SST: variants seen among roughly 807,000 people sequenced by gnomAD.
SST encodes the protein growth hormone release-inhibiting factor.
Under a neutral mutation model 10.4 loss-of-function variants are expected in SST, and 7 were observed. That is an observed-to-expected ratio of 0.67 (90% CI 0.38 to 1.26). SST has a LOEUF of 1.26. Among genes scored for constraint, SST ranks in the 50% most tolerant of loss-of-function variants. The probability of loss-of-function intolerance (pLI) is 0.02; values close to 1 mark genes in which losing one functional copy is unlikely to be tolerated. For synonymous variants in SST, 63 were observed against 63.9 expected (o/e 0.99, Z 0.07); for missense variants, 145 against 140.8 (o/e 1.03, Z -0.15).
chr3:187,669,053 T>C lies in SST; in HGVS notation c.*12A>G. The C allele has an allele frequency of 1.2e-6, 2 of 1,613,764 alleles. No homozygotes were observed. The highest frequency in any genetic ancestry group is 1.7e-6 in the Non-Finnish European group (2 of 1,179,854). The stretch of plus-strand genomic sequence containing the variant: ...ATCAGAGGTCTGATATGGACAATAC[T>C]AGTTAAGAAAGCTAACAGGATGTGA... On this transcript the variant is annotated 3_prime_UTR_variant, in exon 2 of 2. Transcript: ENST00000287641.
intron 1 of SST, among the ~76,000 whole-genome samples, 197 bp downstream of exon 1, chr3:187,669,957 A>G (rs1386561317): frequency 2.6e-5 from 4 of 152,174 alleles, no homozygotes; most frequent in African/African-American, 9.7e-5. Context: ...GACTGCGCTT[A>G]TCATGGGGGA....
chr3:187,670,165 C>G lies in SST; in HGVS notation c.127G>C (p.Ala43Pro). ...QFLQKSLAAA[A>P]GKQELAKYFL... is the part of the protein sequence containing the mutation. The stretch of plus-strand genomic sequence containing the variant: ...GGGAGTCTCCTTACCTGCTTCCCCG[C>G]GGCAGCAGCCAGGGACTTCTGCAGA... The change falls in exon 1 of 2, where the codon GCG becomes CCG. Residue 43 changes from alanine (A) to proline (P), a missense_variant. Coordinates refer to ENST00000287641, the MANE Select transcript of SST (RefSeq NM_001048.4). 6.3e-7 allele frequency: 1 copy of G among 1,589,074 alleles called. No individual in the cohort carries two copies. The highest frequency in any genetic ancestry group is 8.6e-7 in the Non-Finnish European group (1 of 1,167,924).
At position 187,669,121 on chromosome 3, in the gene SST, G is replaced by T; in HGVS notation, c.295C>A (p.Arg99=). 1 of 1,613,786 alleles carries T rather than the reference G, an allele frequency of 6.2e-7. No homozygotes were observed. ...TTCTTGCAGCCAGCTTTGCGTTCTCGGGGTGCCATAGCCGGGTTTGAGTTA... is the reference window on the plus strand; with the variant it reads ...TTCTTGCAGCCAGCTTTGCGTTCTCTGGGTGCCATAGCCGGGTTTGAGTTA... ...SANSNPAMAP[R]ERKAGCKNFF... The change falls in exon 2 of 2, where the codon CGA becomes AGA. Residue 99 remains arginine, a synonymous_variant. Coordinates refer to ENST00000287641, the MANE Select transcript of SST (RefSeq NM_001048.4).
Position 187,669,086 on chromosome 3 carries a change from C to A in SST, c.330G>T (p.Trp110Cys). The A allele has an allele frequency of 6.2e-7, 1 of 1,613,868 alleles. No individual in the cohort carries two copies. Among genetic ancestry groups the A allele is most frequent in the Non-Finnish European group, 8.5e-7 (1 of 1,179,992 alleles). The change falls in exon 2 of 2, where the codon TGG (tryptophan) becomes TGT (cysteine). Residue 110 changes from tryptophan to cysteine, a missense_variant. Trp to Cys is a radical substitution (Grantham distance 215). Coordinates refer to ENST00000287641, the MANE Select transcript of SST (RefSeq NM_001048.4). The stretch of plus-strand genomic sequence containing the variant: ...AAAGCTAACAGGATGTGAAAGTCTT[C>A]CAGAAGAAATTCTTGCAGCCAGCTT... The part of the protein sequence containing the change: ...ERKAGCKNFF[W>C]KTFTSC
At chr3:187,670,061 G>C (rs2108532943) in intron 1 of SST, 93 bp downstream of exon 1, 2 of 1,379,586 alleles carry the variant, frequency 1.4e-6, no homozygotes, top group South Asian at 2.9e-5. Flanking sequence ...CTCTTTAGAA[G>C]GACTGAGCAT....
At position 187,669,286 on chromosome 3, in the gene SST, G is replaced by C. The variant is rs191229652; in HGVS notation, c.139-9C>G. On this transcript the variant is annotated splice_polypyrimidine_tract_variant and intron_variant, in intron 1 of 1. Coordinates refer to ENST00000287641, the MANE Select transcript of SST (RefSeq NM_001048.4). ...AAGTACTTGGCCAGTTCCTGTATAG[G>C]GCAGAAGGGATAGAAAAAGAGAGAA... The C allele has an allele frequency of 1.9e-6, 3 of 1,612,040 alleles. No individual in the cohort carries two copies. In the African/African-American group the frequency reaches 4.0e-5, roughly 22 times the overall value.
In SST at chr3:187,669,173, T is replaced by G; in HGVS notation, c.243A>C (p.Glu81Asp). 1 of 1,613,988 alleles carries G rather than the reference T, an allele frequency of 6.2e-7. No individual in the cohort carries two copies. The highest frequency in any genetic ancestry group is 1.3e-5 in the African/African-American group (1 of 74,998). The change falls in exon 2 of 2, where the codon GAA (glutamate) becomes GAC (aspartate). Residue 81 changes from glutamate (E) to aspartate (D), a missense_variant. Transcript: ENST00000287641. ...CAGATCTCTGCAGCTCAAGCCTCAT[T>G]TCATCCTGCTCAGCAGCCTGGGACA... ...EDLSQAAEQD[E>D]MRLELQRSAN...
At chr3:187,669,535 CACACACACACACACACACGCACAA>C (rs1269725949) in intron 1 of SST, among the ~76,000 whole-genome samples, 2 of 138,950 alleles carry the variant, frequency 1.4e-5, no homozygotes, top group Non-Finnish European at 3.1e-5. Context: ...ACTTAACACA[CACACACACACACACACACGCACAA>C]ACACACACAC....
intron 1 of SST, among the ~76,000 whole-genome samples, chr3:187,669,587 TAA>T (rs971965854): frequency 1.4e-5 from 2 of 138,556 alleles, no homozygotes; most frequent in Non-Finnish European, 3.1e-5. Context: ...CACACACACA[TAA>T]AGACCGTTCT....
chr3:187,669,567 C>A (rs985700622), intron 1 of SST, among the ~76,000 whole-genome samples: 2,221 of 150,630 alleles, frequency 0.015, 45 homozygotes, highest in African/African-American at 0.052. Flanking sequence ...CAAACACACA[C>A]ACACACACAC....
Position 187,670,302 on chromosome 3 carries a change from C to A in SST, c.-11G>T. 2 of 1,572,192 alleles carry A rather than the reference C, an allele frequency of 1.3e-6. No individual in the cohort carries two copies. Among genetic ancestry groups the A allele is most frequent in the Non-Finnish European group, 1.7e-6 (2 of 1,158,420 alleles). ...GCGGCAGGACAGCATCTCGGCGCCG[C>A]GAAAGCCGAGCTGGAGAGTGGCTGG... On this transcript the variant is annotated 5_prime_UTR_variant, in exon 1 of 2. Transcript: ENST00000287641.
chr3:187,669,249 A>T lies in SST; in HGVS notation c.167T>A (p.Leu56Gln), dbSNP rs1717179913. The change falls in exon 2 of 2, where the codon CTG becomes CAG. Residue 56 changes from leucine to glutamine, a missense_variant. Physicochemically the swap from Leu to Gln is moderately radical, Grantham distance 113 (BLOSUM62 -2). Transcript: ENST00000287641. ...QELAKYFLAELLSEPNQTEND... is the reference protein window; with the variant it reads ...QELAKYFLAEQLSEPNQTEND... ...CTCCGTCTGGTTGGGTTCAGACAGC[A>T]GCTCTGCCAAGAAGTACTTGGCCAG... 1 of 1,613,884 alleles carries T rather than the reference A, an allele frequency of 6.2e-7. No individual in the cohort carries two copies. Among genetic ancestry groups the T allele is most frequent in the Non-Finnish European group, 8.5e-7 (1 of 1,180,028 alleles).
rs1459394551 is a variant in SST at position 187,670,229 on chromosome 3, A to G, written c.63T>C (p.Cys21=). 2 of 1,596,166 alleles carry G rather than the reference A, an allele frequency of 1.3e-6. No individual in the cohort carries two copies. The highest frequency in any genetic ancestry group is 1.7e-6 in the Non-Finnish European group (2 of 1,171,660). The change falls in exon 1 of 2, where the codon TGT becomes TGC. Residue 21 remains cysteine, a synonymous_variant. Coordinates refer to ENST00000287641, the MANE Select transcript of SST (RefSeq NM_001048.4). ...AALSIVLALG[C]VTGAPSDPRL... ...TGGGGTCCGAGGGAGCGCCGGTGACACAGCCCAGGGCCAGGACGATGGACA... is the reference window on the plus strand; with the variant it reads ...TGGGGTCCGAGGGAGCGCCGGTGACGCAGCCCAGGGCCAGGACGATGGACA...
At chr3:187,669,517 C>A (rs1337479693) in intron 1 of SST, among the ~76,000 whole-genome samples, 1 of 150,054 alleles carries the variant, frequency 6.7e-6, no homozygotes, top group Non-Finnish European at 1.5e-5. Flanking sequence ...ACCTTTCTGT[C>A]CCTGTAGACT....
intron 1 of SST, 97 bp downstream of exon 1, chr3:187,670,057 A>G: frequency 7.4e-7 from 1 of 1,347,642 alleles, no homozygotes; most frequent in Middle Eastern, 1.9e-4. Flanking sequence ...AAAACTCTTT[A>G]GAAGGACTGA....
intron 1 of SST, 26 bp from the exon 2 acceptor site, chr3:187,669,303 AAGAG>A (rs755412703): frequency 6.2e-7 from 1 of 1,605,742 alleles, no homozygotes. Context: ...GGGATAGAAA[AAGAG>A]AGAAAGAGAA....
intron 1 of SST, 22 bp from the exon 2 acceptor site, chr3:187,669,299 G>A (rs758551922): frequency 1.2e-6 from 2 of 1,605,838 alleles, no homozygotes; most frequent in Non-Finnish European, 1.7e-6. Flanking sequence ...AGAAGGGATA[G>A]AAAAAGAGAG....
chr3:187,670,015 G>T lies in SST; in HGVS notation c.138+139C>A, dbSNP rs1053444109. On this transcript the variant is annotated intron_variant, in intron 1 of 1. Coordinates refer to ENST00000287641, the MANE Select transcript of SST (RefSeq NM_001048.4). The stretch of plus-strand genomic sequence containing the variant: ...CTAGCCTTTGATAGTTTTCTCAAGA[G>T]CTTCGGGAGCTGAGGGACCCAGAAA... 4 of 892,968 alleles carry T rather than the reference G, an allele frequency of 4.5e-6. No individual in the cohort carries two copies. In the South Asian group the frequency reaches 6.9e-5, roughly 15 times the overall value. 55.3% of individuals were successfully genotyped at this position (892,968 alleles called of 1,614,324 possible).
chr3:187,669,642 A>T (rs951734416), intron 1 of SST, among the ~76,000 whole-genome samples: 1 of 152,104 alleles, frequency 6.6e-6, no homozygotes, highest in Admixed American at 6.5e-5. Flanking sequence ...CAATTTTCAC[A>T]TCACGAGCTA....
Sources: gnomAD v4.1 joint callset for allele counts (sites outside exome capture counted in the v4.1 genomes callset) on GRCh38, gnomAD v4.1.1 for gene constraint, MANE v1.5 for transcripts, NCBI Gene and HGNC (gene_info 2026-07-23, HGNC 2026-07-21) for gene names.